Variants in ZC3H14 observed in about 807,000 individuals in gnomAD.
ZC3H14 encodes zinc finger CCCH domain-containing protein 14.
Under a neutral mutation model 92.4 loss-of-function variants are expected in ZC3H14, and 31 were observed. The ratio of observed to expected loss-of-function variants is 0.34; its 90% CI spans 0.25 to 0.45. The LOEUF (loss-of-function observed/expected upper bound fraction) is 0.45. Ranked by LOEUF, ZC3H14 falls within the 20% of genes least tolerant of loss-of-function variation. The probability of loss-of-function intolerance (pLI) is 1.00; values close to 1 mark genes in which losing one functional copy is unlikely to be tolerated. For synonymous variants in ZC3H14, 321 were observed against 300.9 expected (o/e 1.07, Z -0.69); for missense variants, 781 against 897.3 (o/e 0.87, Z 1.66).
intron 12 of ZC3H14, among the ~76,000 whole-genome samples, chr14:88,603,691 T>C (rs989208125): frequency 1.3e-5 from 2 of 152,178 alleles, no homozygotes; most frequent in African/African-American, 4.8e-5. Context: ...GTAATTATGT[T>C]CCTTATATCT....
At chr14:88,596,676 C>T in intron 9 of ZC3H14, 58 bp from the exon 10 acceptor site, 1 of 1,462,636 alleles carries the variant, frequency 6.8e-7, no homozygotes. Flanking sequence ...TTTTGGGAAC[C>T]ACATGCTGGT....
rs528186146 is a variant in ZC3H14, at chr14:88,604,767, T to TAGTTTA, written c.1747+1711_1747+1716dup. 4.5e-4 allele frequency among the ~76,000 whole-genome samples: 68 copies of TAGTTTA among 152,196 alleles called. No homozygotes were observed. The East Asian group carries it at 0.013, about 29-fold the overall frequency. On this transcript the variant is annotated intron_variant, in intron 12 of 16. Transcript: ENST00000251038. ...GCACCATCACACCTGGCTAATTTTG[T>TAGTTTA]AGTTTAAGTAGAGACGGGGTTTTAC...
chr14:88,565,927 G>A (rs956930205), intron 2 of ZC3H14, among the ~76,000 whole-genome samples: 5 of 147,436 alleles, frequency 3.4e-5, no homozygotes, highest in Admixed American at 7.0e-5. Flanking sequence ...GAGTGCAGTG[G>A]TGCAATCTTG....
At position 88,563,100 on chromosome 14, in the gene ZC3H14, C is replaced by A. The variant is rs376919923; in HGVS notation, c.-34C>A. ...GGCAGCCTCCGGGTAAGCCAAGCGC[C>A]GCGCAGTGCTGAGTTCCCGCACGCC... On this transcript the variant is annotated 5_prime_UTR_variant, in exon 1 of 17. Transcript: ENST00000251038. 1.3e-6 allele frequency: 2 copies of A among 1,571,914 alleles called. No homozygotes were observed. Among genetic ancestry groups the A allele is most frequent in the Admixed American group, 3.6e-5 (2 of 55,422 alleles).
In ZC3H14 at chr14:88,614,691, G is replaced by C. The variant is rs1452480779; in HGVS notation, c.*2940G>C. ...TAGGCTAGACAGCGAATTCCTGAAT[G>C]ATGAGTAGTGATCTTTGGCAGCATT... is the stretch of plus-strand genomic sequence containing the variant. On this transcript the variant is annotated 3_prime_UTR_variant, in exon 17 of 17. Transcript: ENST00000251038. 1 of 152,158 alleles carries C rather than the reference G, an allele frequency of 6.6e-6. No homozygotes were observed. The highest frequency in any genetic ancestry group is 2.4e-5 in the African/African-American group (1 of 41,442). 9.4% of individuals were successfully genotyped at this position (152,158 alleles called of 1,614,324 possible). A position where few individuals can be genotyped will look rare whatever the true frequency, so the allele number is the denominator to read the frequency against.
At chr14:88,601,793 T>A in intron 10 of ZC3H14, 131 bp from the exon 11 acceptor site, 1 of 1,102,870 alleles carries the variant, frequency 9.1e-7, no homozygotes, top group Non-Finnish European at 1.3e-6. Flanking sequence ...TTTTCCTGAG[T>A]GGAACCAGTT....
At position 88,626,478 on chromosome 14, in the gene ZC3H14, C is replaced by A; in HGVS notation, c.*14727C>A. 5.1e-6 allele frequency: 1 copy of A among 194,194 alleles called. No individual in the cohort carries two copies. The highest frequency in any genetic ancestry group is 1.1e-4 in the South Asian group (1 of 9,106). 12.0% of individuals were successfully genotyped at this position (194,194 alleles called of 1,614,324 possible). A position where few individuals can be genotyped will look rare whatever the true frequency, so the allele number is the denominator to read the frequency against. ...CTACTAAAAATGAAAGAAAAATTAGCCTAGCATGGTGGTTCCTGCCCTGTA... is the reference window on the plus strand; with the variant it reads ...CTACTAAAAATGAAAGAAAAATTAGACTAGCATGGTGGTTCCTGCCCTGTA... On this transcript the variant is annotated 3_prime_UTR_variant, in exon 17 of 17. Coordinates refer to ENST00000251038, the MANE Select transcript of ZC3H14 (RefSeq NM_024824.5).
Position 88,616,666 on chromosome 14 carries a change from TGATGATAA to T in ZC3H14, c.*4918_*4925del. ...ATTTTAAATATATGGGGAAAAGTGC[TGATGATAA>T]GACATCAAAATTAGGAGTAAACTGA... On this transcript the variant is annotated 3_prime_UTR_variant, in exon 17 of 17. Transcript: ENST00000251038. 1 of 1,458,578 alleles carries T rather than the reference TGATGATAA, an allele frequency of 6.9e-7. No individual in the cohort carries two copies. 90.4% of individuals were successfully genotyped at this position (1,458,578 alleles called of 1,614,324 possible).
rs2140189455 is a variant in ZC3H14 at position 88,612,879 on chromosome 14, T to G, written c.*1128T>G. On this transcript the variant is annotated 3_prime_UTR_variant, in exon 17 of 17. Coordinates refer to ENST00000251038, the MANE Select transcript of ZC3H14 (RefSeq NM_024824.5). Reference sequence around the variant, plus strand: ...GATCACTGATTTCAAAGACTTGGTGTATAGTGTTAAAAATTAAAGCTTAAA... The same window carrying G: ...GATCACTGATTTCAAAGACTTGGTGGATAGTGTTAAAAATTAAAGCTTAAA... The G allele has an allele frequency of 6.6e-6, 1 of 152,472 alleles. No individual in the cohort carries two copies. The highest frequency in any genetic ancestry group is 1.9e-4 in the East Asian group (1 of 5,180). The allele number at this position is 152,472 out of a possible 1,614,324, so 9.4% of individuals were successfully genotyped here. A position where few individuals can be genotyped will look rare whatever the true frequency, so the allele number is the denominator to read the frequency against.
rs768516747 is a variant in ZC3H14 at position 88,572,861 on chromosome 14, A to G, written c.715A>G (p.Asn239Asp). 6.2e-7 allele frequency: 1 copy of G among 1,614,246 alleles called. No individual in the cohort carries two copies. Among genetic ancestry groups the G allele is most frequent in the East Asian group, 2.2e-5 (1 of 44,886 alleles). Residue 239 changes from asparagine (N) to aspartate (D), a missense_variant, in exon 6 of 17, where the codon AAT (asparagine) becomes GAT (aspartate). Physicochemically the swap from Asn to Asp is conservative, Grantham distance 23 (BLOSUM62 1). Around this residue, in one of 3 missense-constraint regions of ZC3H14, gnomAD observed 454 missense variants for 438.5 expected, o/e 1.04. Coordinates refer to ENST00000251038, the MANE Select transcript of ZC3H14 (RefSeq NM_024824.5). ...LNRLQFQQQQ[N>D]SIHAAKQLDM... ...CAGGTTGCAATTTCAACAGCAGCAGAATAGTATTCATGCTGCCAAGCAGCT... is the reference window on the plus strand; with the variant it reads ...CAGGTTGCAATTTCAACAGCAGCAGGATAGTATTCATGCTGCCAAGCAGCT...
chr14:88,570,558 A>T (rs2080256875), intron 3 of ZC3H14, among the ~76,000 whole-genome samples: 1 of 152,200 alleles, frequency 6.6e-6, no homozygotes, highest in Non-Finnish European at 1.5e-5. Context: ...TGGTGGTAAT[A>T]ATAAGCAATA....
intron 7 of ZC3H14, among the ~76,000 whole-genome samples, chr14:88,575,635 A>G (rs2139651512): frequency 1.3e-5 from 2 of 152,214 alleles, no homozygotes; most frequent in South Asian, 4.2e-4. Context: ...TTAAGGCTGC[A>G]GTGACATCAC....
At position 88,619,364 on chromosome 14, in the gene ZC3H14, T is replaced by TCAAAA. The variant is rs1030266896; in HGVS notation, c.*7629_*7633dup. Reference sequence around the variant, plus strand: ...TGGGCAACAAGAGCAAAACTCCAACTCAAAACAAAACAAAACAAAATTTAA... The same window carrying TCAAAA: ...TGGGCAACAAGAGCAAAACTCCAACTCAAAACAAAACAAAACAAAACAAAATTTAA... On this transcript the variant is annotated 3_prime_UTR_variant, in exon 17 of 17. Transcript: ENST00000251038. 1 of 152,316 alleles carries TCAAAA rather than the reference T, an allele frequency of 6.6e-6. No individual in the cohort carries two copies. The highest frequency in any genetic ancestry group is 2.4e-5 in the African/African-American group (1 of 41,420). The allele number at this position is 152,316 out of a possible 1,614,324, so 9.4% of individuals were successfully genotyped here.
intron 9 of ZC3H14, among the ~76,000 whole-genome samples, chr14:88,584,243 C>A (rs549665096): frequency 1.9e-4 from 29 of 152,222 alleles, no homozygotes; most frequent in East Asian, 1.5e-3. Flanking sequence ...TCCACTCATA[C>A]ACTTATATGT....
rs1473992616 is a variant in ZC3H14 at position 88,622,718 on chromosome 14, C to A, written c.*10967C>A. The A allele has an allele frequency of 6.2e-7, 1 of 1,600,090 alleles. No homozygotes were observed. The highest frequency in any genetic ancestry group is 1.7e-5 in the Admixed American group (1 of 58,238). On this transcript the variant is annotated 3_prime_UTR_variant, in exon 17 of 17. Transcript: ENST00000251038. ...GTTTAACCGCTCCTCCTTCTTTTGA[C>A]CTAAGTAAATAACCAAGCCAGAGTA...
chr14:88,600,598 C>T (rs1443746975), intron 10 of ZC3H14, among the ~76,000 whole-genome samples: 1 of 152,054 alleles, frequency 6.6e-6, no homozygotes, highest in Non-Finnish European at 1.5e-5. Context: ...TGTGCTCCCA[C>T]GCCTGGCTAA....
rs1325815100 is a variant in ZC3H14 at position 88,625,057 on chromosome 14, A to G, written c.*13306A>G. 1 of 1,613,418 alleles carries G rather than the reference A, an allele frequency of 6.2e-7. No individual in the cohort carries two copies. ...AGGCCCGTTGTGAGCTCTCGCCACG[A>G]TTCTACACAATATGTGATCTTTCCA... On this transcript the variant is annotated 3_prime_UTR_variant, in exon 17 of 17. Transcript: ENST00000251038.
intron 9 of ZC3H14, chr14:88,591,050 A>C (rs1053405809): frequency 2.0e-5 from 3 of 152,174 alleles, no homozygotes; most frequent in Non-Finnish European, 4.4e-5. Flanking sequence ...TTTGACCTGA[A>C]AATTTTTGTA....
chr14:88,578,610 CT>C (rs1280382809), intron 9 of ZC3H14, among the ~76,000 whole-genome samples: 1 of 151,956 alleles, frequency 6.6e-6, no homozygotes, highest in East Asian at 1.9e-4. Flanking sequence ...ATATTTATTT[CT>C]GCATTCTTTC....
Sources: allele counts gnomAD v4.1 joint callset (sites outside exome capture counted in the v4.1 genomes callset), GRCh38; gene constraint gnomAD v4.1.1; regional missense constraint gnomAD v4.1.1; transcripts MANE v1.5; gene names NCBI Gene and HGNC (gene_info 2026-07-23, HGNC 2026-07-21).